Variants in SPATA17 observed in about 807,000 individuals in gnomAD.
SPATA17 encodes spermatogenesis-associated protein 17.
In SPATA17, 53 loss-of-function variants were observed where a neutral mutation model predicts 62.2. That is an observed-to-expected ratio of 0.85 (90% CI 0.68 to 1.07). SPATA17 has a LOEUF of 1.07. Among genes scored for constraint, SPATA17 ranks in the 50% least tolerant of loss-of-function variants. SPATA17 has a pLI of 0.00. For missense variants in SPATA17, 466 were observed against 425.5 expected (o/e 1.10, Z -0.84); for synonymous variants, 146 against 146.8 (o/e 0.99, Z 0.04).
chr1:217,743,655 G>A (rs751302946), intron 6 of SPATA17, among the ~76,000 whole-genome samples: 5 of 151,842 alleles, frequency 3.3e-5, no homozygotes, highest in Non-Finnish European at 7.4e-5. Context: ...TGTTGCCCAG[G>A]CTGGAGTACA....
rs189885094 is a variant in SPATA17, at chr1:217,762,901, G to A, written c.520-11433G>A. 3.3e-5 allele frequency among the ~76,000 whole-genome samples: 5 copies of A among 152,208 alleles called. No homozygotes were observed. In the East Asian group the frequency reaches 9.7e-4, roughly 29 times the overall value. On this transcript the variant is annotated intron_variant, in intron 6 of 10. Coordinates refer to ENST00000366933, the MANE Select transcript of SPATA17 (RefSeq NM_138796.4). Reference sequence around the variant, plus strand: ...GTGGGAGAATTACTTGAACCCAGGAGGCAGTGGTTGCCACTGCATTCCATC... The same window carrying A: ...GTGGGAGAATTACTTGAACCCAGGAAGCAGTGGTTGCCACTGCATTCCATC...
intron 3 of SPATA17, among the ~76,000 whole-genome samples, chr1:217,659,954 A>G (rs947909883): frequency 6.6e-6 from 1 of 152,180 alleles, no homozygotes; most frequent in African/African-American, 2.4e-5. Context: ...TTAACATGAC[A>G]TGTGAGGTCT....
At chr1:217,821,841 G>GGC (rs1272859998) in intron 9 of SPATA17, among the ~76,000 whole-genome samples, 1 of 151,950 alleles carries the variant, frequency 6.6e-6, no homozygotes. Flanking sequence ...TCATGCAAGG[G>GGC]GCGCAAACTC....
At chr1:217,633,961 A>G (rs1669881034) in intron 1 of SPATA17, among the ~76,000 whole-genome samples, 1 of 152,220 alleles carries the variant, frequency 6.6e-6, no homozygotes, top group Admixed American at 6.5e-5. Flanking sequence ...GAACTCCAAG[A>G]AGTGAGCAGC....
At chr1:217,739,644 T>A (rs1409551407) in intron 5 of SPATA17, 1 of 152,168 alleles carries the variant, frequency 6.6e-6, no homozygotes, top group Non-Finnish European at 1.5e-5. Flanking sequence ...CATCCTTTTA[T>A]TTTTAATGAG....
intron 6 of SPATA17, among the ~76,000 whole-genome samples, chr1:217,773,906 T>A (rs1238966955): frequency 6.6e-6 from 1 of 152,162 alleles, no homozygotes; most frequent in African/African-American, 2.4e-5. Context: ...ACATATTTTG[T>A]ACCTGAAACT....
chr1:217,813,532 T>G (rs1461255678), intron 9 of SPATA17, among the ~76,000 whole-genome samples: 1 of 152,132 alleles, frequency 6.6e-6, no homozygotes, highest in Non-Finnish European at 1.5e-5. Flanking sequence ...CCCCTTACAG[T>G]TGTTTGTTTT....
chr1:217,744,060 G>A (rs1314227770), intron 6 of SPATA17, among the ~76,000 whole-genome samples: 1 of 152,002 alleles, frequency 6.6e-6, no homozygotes, highest in African/African-American at 2.4e-5. Context: ...AAATATCTAT[G>A]GAGTGCTTAC....
At chr1:217,723,520 A>G (rs1672187535) in intron 5 of SPATA17, among the ~76,000 whole-genome samples, 1 of 152,168 alleles carries the variant, frequency 6.6e-6, no homozygotes, top group South Asian at 2.1e-4. Context: ...AATTTATCCC[A>G]TTGTAAAATT....
intron 9 of SPATA17, among the ~76,000 whole-genome samples, chr1:217,833,561 G>A (rs1291996355): frequency 6.6e-6 from 1 of 151,952 alleles, no homozygotes; most frequent in Non-Finnish European, 1.5e-5. Context: ...TTAACCATTT[G>A]GTTTCATTTT....
intron 1 of SPATA17, among the ~76,000 whole-genome samples, chr1:217,647,010 A>C (rs1023992860): frequency 6.6e-6 from 1 of 152,196 alleles, no homozygotes; most frequent in Non-Finnish European, 1.5e-5. Context: ...GCATATGACT[A>C]TGCTTTCTCC....
chr1:217,709,681 C>G (rs988508439), intron 5 of SPATA17, among the ~76,000 whole-genome samples: 1 of 152,148 alleles, frequency 6.6e-6, no homozygotes, highest in African/African-American at 2.4e-5. Flanking sequence ...GAATGAATAC[C>G]AGAGTGGGGA....
At chr1:217,756,478 C>T (rs369501607) in intron 6 of SPATA17, among the ~76,000 whole-genome samples, 1 of 152,120 alleles carries the variant, frequency 6.6e-6, no homozygotes, top group African/African-American at 2.4e-5. Flanking sequence ...TTCAAAACCA[C>T]GCTTCCCGTT....
chr1:217,685,045 C>T (rs777557826), intron 5 of SPATA17, among the ~76,000 whole-genome samples: 26 of 152,074 alleles, frequency 1.7e-4, no homozygotes, highest in Admixed American at 1.0e-3. Context: ...CTTCTTGAAA[C>T]GTATAAAATT....
At chr1:217,792,387 A>T (rs1674015619) in intron 8 of SPATA17, among the ~76,000 whole-genome samples, 1 of 152,186 alleles carries the variant, frequency 6.6e-6, no homozygotes, top group African/African-American at 2.4e-5. Context: ...GACTAAGATG[A>T]GTAGGGGGCT....
chr1:217,805,320 T>C (rs1012138037), intron 9 of SPATA17, among the ~76,000 whole-genome samples: 3 of 152,122 alleles, frequency 2.0e-5, no homozygotes, highest in Non-Finnish European at 2.9e-5. Context: ...ATGTGAAATC[T>C]GAAAAAAATC....
At chr1:217,699,126 T>A (rs1671532713) in intron 5 of SPATA17, among the ~76,000 whole-genome samples, 1 of 152,226 alleles carries the variant, frequency 6.6e-6, no homozygotes, top group Non-Finnish European at 1.5e-5. Context: ...GTTTGGGTTG[T>A]TTCTATTTTG....
chr1:217,640,347 A>C (rs1670032587), intron 1 of SPATA17, among the ~76,000 whole-genome samples: 1 of 152,144 alleles, frequency 6.6e-6, no homozygotes, highest in Non-Finnish European at 1.5e-5. Context: ...ACTCTATACC[A>C]CATACAAAAA....
chr1:217,690,024 C>T (rs1434060852), intron 5 of SPATA17, among the ~76,000 whole-genome samples: 3 of 152,022 alleles, frequency 2.0e-5, no homozygotes, highest in Non-Finnish European at 4.4e-5. Flanking sequence ...CTGCCTCAGC[C>T]TCCGAGTAGC....
Sources: gnomAD v4.1 joint callset for allele counts (sites outside exome capture counted in the v4.1 genomes callset) on GRCh38, gnomAD v4.1.1 for gene constraint, MANE v1.5 for transcripts, NCBI Gene and HGNC (gene_info 2026-07-23, HGNC 2026-07-21) for gene names.